The following MAST3 variants were observed in gnomAD, a reference collection of about 807,000 sequenced individuals.
MAST3 encodes microtubule associated serine/threonine kinase 3, also known as microtubule-associated serine/threonine-protein kinase 3.
A neutral mutation model predicts 127.0 loss-of-function variants in MAST3; 43 were observed. The observed-to-expected ratio is 0.34, with a 90% CI of 0.27 to 0.44. The LOEUF (loss-of-function observed/expected upper bound fraction) is 0.44. Ranked by LOEUF, MAST3 falls within the 20% of genes least tolerant of loss-of-function variation. The probability of loss-of-function intolerance (pLI) is 1.00; values close to 1 mark genes in which losing one functional copy is unlikely to be tolerated. For synonymous variants in MAST3, 785 were observed against 809.2 expected, an observed-to-expected ratio of 0.97 and a Z score of 0.51; for missense variants, 1,390 against 1,919.1, an observed-to-expected ratio of 0.72 and a Z score of 5.15.
chr19:18,130,349 G>C, intron 13 of MAST3, 145 bp from the exon 14 acceptor site: 1 of 694,912 alleles, frequency 1.4e-6, no homozygotes, highest in Non-Finnish European at 2.4e-6. Flanking sequence ...CTGGGAGGGG[G>C]AACAGGTAAG....
intron 21 of MAST3, among the ~76,000 whole-genome samples, chr19:18,142,897 G>A (rs1245596532): frequency 1.3e-5 from 2 of 151,854 alleles, no homozygotes; most frequent in African/African-American, 4.8e-5. Flanking sequence ...GATTACCTGA[G>A]GTCAGGAGTT....
intron 13 of MAST3, among the ~76,000 whole-genome samples, chr19:18,129,752 C>T (rs976155047): frequency 1.3e-5 from 2 of 151,696 alleles, no homozygotes; most frequent in South Asian, 4.2e-4. Context: ...TGGCAAAACT[C>T]CATCAATACT....
chr19:18,126,137 G>A (rs72999447), intron 11 of MAST3, among the ~76,000 whole-genome samples: 27,290 of 151,976 alleles, frequency 0.18, 3,064 homozygotes, highest in Non-Finnish European at 0.25. Flanking sequence ...TGGGAAGATC[G>A]CTTGAGCTTG....
intron 11 of MAST3, among the ~76,000 whole-genome samples, chr19:18,125,985 G>A (rs1343719647): frequency 6.6e-6 from 1 of 152,144 alleles, no homozygotes; most frequent in Non-Finnish European, 1.5e-5. Flanking sequence ...CTTGAACTCA[G>A]GAGGCAGAGG....
In MAST3 at chr19:18,106,540, C is replaced by CTTATTTAT. The variant is rs143547108; in HGVS notation, c.40-1008_40-1001dup. Among the ~76,000 whole-genome samples, 659 of 136,106 alleles carry CTTATTTAT rather than the reference C, an allele frequency of 4.8e-3. 10 individuals carry two copies. Among genetic ancestry groups the CTTATTTAT allele is most frequent in the African/African-American group, 4.7e-3 (170 of 36,470 alleles). 89.3% of individuals were successfully genotyped at this position (136,106 alleles called of 152,430 possible). On this transcript the variant is annotated intron_variant, in intron 1 of 27. Coordinates refer to ENST00000687212, the MANE Select transcript of MAST3 (RefSeq NM_001393504.1). ...GCATGAGCCACCGCACTTGGCCCTT[C>CTTATTTAT]TTATTTATTTATTTATTTATTTATT...
intron 20 of MAST3, among the ~76,000 whole-genome samples, chr19:18,140,319 C>T (rs1041844161): frequency 4.6e-5 from 7 of 151,740 alleles, no homozygotes; most frequent in African/African-American, 1.7e-4. Flanking sequence ...GTGGAGGCTG[C>T]AGTAAGCTGA....
At chr19:18,114,364 T>C (rs1190490649) in intron 3 of MAST3, among the ~76,000 whole-genome samples, 2 of 151,900 alleles carry the variant, frequency 1.3e-5, no homozygotes, top group Non-Finnish European at 2.9e-5. Flanking sequence ...TAGTTTTGTA[T>C]TTTTAGTAGA....
rs1040368556 is a variant in MAST3 at position 18,145,974 on chromosome 19, C to A, written c.3162+109C>A. On this transcript the variant is annotated intron_variant, in intron 25 of 27. Coordinates refer to ENST00000687212, the MANE Select transcript of MAST3 (RefSeq NM_001393504.1). This position sits in a 1 kb window ranked among gnomAD's most constrained non-coding sequence, Gnocchi z 5.9. ...AGACACACAACCCCACATTCAATGT[C>A]AACTCCAGGCCTGGCACATCCACTT... 2.3e-6 allele frequency: 3 copies of A among 1,324,576 alleles called. No homozygotes were observed. The highest frequency in any genetic ancestry group is 3.2e-5 in the Admixed American group (1 of 31,622). 82.1% of individuals were successfully genotyped at this position (1,324,576 alleles called of 1,614,324 possible). A position where few individuals can be genotyped will look rare whatever the true frequency, so the allele number is the denominator to read the frequency against.
chr19:18,129,238 T>C (rs2040998920), intron 13 of MAST3: 2 of 443,622 alleles, frequency 4.5e-6, no homozygotes, highest in East Asian at 4.1e-5. Context: ...CCAGTGGGAG[T>C]AGCACGCAGT....
intron 12 of MAST3, 96 bp from the exon 13 acceptor site, chr19:18,128,770 C>A: frequency 2.1e-6 from 2 of 935,856 alleles, no homozygotes; most frequent in South Asian, 1.3e-5. Flanking sequence ...GAGGAGGTAG[C>A]ATCGGGCACC....
chr19:18,124,554 G>A (rs1382474037), intron 10 of MAST3, 88 bp from the exon 11 acceptor site: 1 of 1,483,150 alleles, frequency 6.7e-7, no homozygotes, highest in Non-Finnish European at 9.1e-7. Flanking sequence ...GGTGAGCTGG[G>A]AAGGGTGCTC....
chr19:18,137,378 C>T lies in MAST3; in HGVS notation c.2095+17C>T, dbSNP rs1214162020. ...ACTTTGACAGTAAGGAGGGATCCCC[C>T]TGGAGGGGGGGCGGGGGGTGCTCTG... On this transcript the variant is annotated intron_variant, in intron 19 of 27. Coordinates refer to ENST00000687212, the MANE Select transcript of MAST3 (RefSeq NM_001393504.1). The T allele has an allele frequency of 3.1e-6, 5 of 1,609,614 alleles. No individual in the cohort carries two copies. In the South Asian group the frequency reaches 5.5e-5, roughly 18 times the overall value.
chr19:18,135,116 G>A (rs2041756528), intron 17 of MAST3, 134 bp downstream of exon 17: 1 of 1,053,026 alleles, frequency 9.5e-7, no homozygotes, highest in Admixed American at 2.6e-5. Context: ...AGGCGGTGGG[G>A]TGCTGAGTGA....
chr19:18,106,910 C>T (rs1248659088), intron 1 of MAST3, among the ~76,000 whole-genome samples: 2 of 151,128 alleles, frequency 1.3e-5, no homozygotes, highest in Non-Finnish European at 2.9e-5. Context: ...AAGCAATCCT[C>T]CCACCTCAGC....
intron 11 of MAST3, among the ~76,000 whole-genome samples, chr19:18,126,291 T>G (rs1322818516): frequency 6.6e-6 from 1 of 152,064 alleles, no homozygotes; most frequent in East Asian, 1.9e-4. Flanking sequence ...GCATTGAACT[T>G]GGACCTAGCC....
chr19:18,135,702 C>G (rs1024870442), intron 17 of MAST3, 38 bp from the exon 18 acceptor site: 8 of 1,469,904 alleles, frequency 5.4e-6, no homozygotes, highest in African/African-American at 1.4e-5. Context: ...CCTGCCTTCT[C>G]CCTCCCTCCC....
chr19:18,116,958 G>A (rs1396858341), intron 3 of MAST3, among the ~76,000 whole-genome samples: 2 of 150,888 alleles, frequency 1.3e-5, no homozygotes, highest in Non-Finnish European at 1.5e-5. Context: ...CTGGGCCCCA[G>A]CATTGGGCCT....
At chr19:18,107,644 T>G (rs1599666192) in intron 2 of MAST3, 26 bp downstream of exon 2, 1 of 1,609,678 alleles carries the variant, frequency 6.2e-7, no homozygotes, top group Non-Finnish European at 8.5e-7. Context: ...ACTGGCGGGC[T>G]GGGTGGGCCC....
chr19:18,104,179 CAAAAAAAAAAAAAAAAAAAAAAAA>C (rs56347763), intron 1 of MAST3, among the ~76,000 whole-genome samples: 9 of 43,446 alleles, frequency 2.1e-4, no homozygotes, highest in South Asian at 1.3e-3. Context: ...GACGCTGTCT[CAAAAAAAAAAAAAAAAAAAAAAAA>C]AAAAAAAAAA....
Sources: allele counts gnomAD v4.1 joint callset (sites outside exome capture counted in the v4.1 genomes callset), GRCh38; gene constraint gnomAD v4.1.1; non-coding constraint Gnocchi (gnomAD v3.1); transcripts MANE v1.5; gene names NCBI Gene and HGNC (gene_info 2026-07-23, HGNC 2026-07-21).